BCAS3: variants seen among roughly 807,000 people sequenced by gnomAD.
BCAS3 encodes the protein BCAS3 microtubule associated cell migration factor.
In BCAS3, 53 loss-of-function variants were observed where a neutral mutation model predicts 116.1. That is an observed-to-expected ratio of 0.46 (90% CI 0.37 to 0.57). The LOEUF (loss-of-function observed/expected upper bound fraction) is 0.57. BCAS3 is among the 20% of genes least tolerant of loss of function. The pLI, the probability that BCAS3 is intolerant of heterozygous loss-of-function variation, is 0.00. For synonymous variants in BCAS3, 391 were observed against 408.2 expected, an observed-to-expected ratio of 0.96 and a Z score of 0.51; for missense variants, 917 against 1,165.4, an observed-to-expected ratio of 0.79 and a Z score of 3.10.
intron 19 of BCAS3, among the ~76,000 whole-genome samples, chr17:61,044,465 A>ATAT (rs1555683921): frequency 4.6e-4 from 55 of 120,108 alleles, no homozygotes; most frequent in Middle Eastern, 4.2e-3. Context: ...AAAAAAAAAA[A>ATAT]ATATATATAT....
At chr17:61,237,434 A>G (rs2083149378) in intron 22 of BCAS3, among the ~76,000 whole-genome samples, 1 of 152,236 alleles carries the variant, frequency 6.6e-6, no homozygotes, top group Non-Finnish European at 1.5e-5. Flanking sequence ...ATAAAGGAAT[A>G]AAAGCTGGCC....
At chr17:60,706,384 G>A (rs1413624855) in intron 4 of BCAS3, among the ~76,000 whole-genome samples, 2 of 151,972 alleles carry the variant, frequency 1.3e-5, no homozygotes, top group Non-Finnish European at 2.9e-5. Context: ...TTTTTTTGAT[G>A]ATCCACTTCC....
rs147380259 is a variant in BCAS3 at position 60,767,034 on chromosome 17, C to T, written c.403+19755C>T. 6.8e-4 allele frequency among the ~76,000 whole-genome samples: 103 copies of T among 152,320 alleles called. No homozygotes were observed. The East Asian group carries it at 0.017, about 26-fold the overall frequency. ...CACGGGATATAACCTCCTGGTGTGC[C>T]GTTTGCTAAGACTGTTGGAAAAGCG... On this transcript the variant is annotated intron_variant, in intron 6 of 23. Transcript: ENST00000407086.
chr17:61,329,343 A>ATTATTATTTTTTTTTTTT (rs1555831750), intron 22 of BCAS3, among the ~76,000 whole-genome samples: 1 of 131,280 alleles, frequency 7.6e-6, no homozygotes, highest in African/African-American at 2.9e-5. Context: ...TATTATTATT[A>ATTATTATTTTTTTTTTTT]TTTTTTTTTT....
At chr17:61,209,951 T>C (rs2081359692) in intron 22 of BCAS3, among the ~76,000 whole-genome samples, 2 of 152,150 alleles carry the variant, frequency 1.3e-5, no homozygotes, top group Admixed American at 1.3e-4. Context: ...CACCCACCCT[T>C]TTAGGTGGCT....
At chr17:60,742,160 C>G (rs763477179) in intron 5 of BCAS3, among the ~76,000 whole-genome samples, 4 of 152,158 alleles carry the variant, frequency 2.6e-5, no homozygotes, top group Non-Finnish European at 4.4e-5. Context: ...TTGGAATAAT[C>G]TTTTCTACAG....
chr17:61,157,976 A>G (rs1170859500), intron 22 of BCAS3, among the ~76,000 whole-genome samples: 1 of 152,100 alleles, frequency 6.6e-6, no homozygotes, highest in South Asian at 2.1e-4. Context: ...GACTGATTTG[A>G]TATCTCTTCT....
At chr17:60,708,196 A>G (rs920477236) in intron 4 of BCAS3, among the ~76,000 whole-genome samples, 4 of 151,916 alleles carry the variant, frequency 2.6e-5, no homozygotes, top group African/African-American at 9.7e-5. Flanking sequence ...ATTATGGCAT[A>G]TGCCCGTAGT....
Position 61,139,407 on chromosome 17 carries a change from ATG to A in BCAS3, c.2425+54847_2425+54848del, listed in dbSNP as rs1278716931. The stretch of plus-strand genomic sequence containing the variant: ...GTGGTTTTGGTGTTTCCTCTTACAC[ATG>A]TGTCTTCCTTCTTCAGTTTCTCAGT... On this transcript the variant is annotated intron_variant, in intron 22 of 23. Coordinates refer to ENST00000407086, the MANE Select transcript of BCAS3 (RefSeq NM_017679.5). This position sits in a 1 kb window ranked among gnomAD's most constrained non-coding sequence, Gnocchi z 4.7. Among the ~76,000 whole-genome samples the A allele has an allele frequency of 1.3e-5, 2 of 152,144 alleles. No individual in the cohort carries two copies. The highest frequency in any genetic ancestry group is 2.9e-5 in the Non-Finnish European group (2 of 68,030).
At chr17:60,899,564 C>A (rs1215702144) in intron 10 of BCAS3, among the ~76,000 whole-genome samples, 4 of 152,090 alleles carry the variant, frequency 2.6e-5, no homozygotes, top group African/African-American at 7.2e-5. Flanking sequence ...GTGGCGCAAT[C>A]TTGGCTCACT....
chr17:61,182,547 A>G (rs1275980164), intron 22 of BCAS3, among the ~76,000 whole-genome samples: 2 of 152,208 alleles, frequency 1.3e-5, no homozygotes, highest in South Asian at 2.1e-4. Context: ...CAATTCATCC[A>G]TGGTAAGTAT....
chr17:60,682,978 T>C (rs1380061649), intron 2 of BCAS3, among the ~76,000 whole-genome samples: 1 of 152,210 alleles, frequency 6.6e-6, no homozygotes. Flanking sequence ...GGTCTTGCTA[T>C]GTTGCCTAGT....
At chr17:60,878,165 A>G (rs1351835421) in intron 9 of BCAS3, among the ~76,000 whole-genome samples, 1 of 151,722 alleles carries the variant, frequency 6.6e-6, no homozygotes, top group Admixed American at 6.6e-5. Flanking sequence ...AGGCACCACC[A>G]CGCCCGGCTA....
rs769755335 is a variant in BCAS3 at position 61,261,531 on chromosome 17, A to T, written c.2426-106796A>T. Among the ~76,000 whole-genome samples, 2 of 152,238 alleles carry T rather than the reference A, an allele frequency of 1.3e-5. No homozygotes were observed. Among genetic ancestry groups the T allele is most frequent in the Non-Finnish European group, 2.9e-5 (2 of 68,008 alleles). ...AACCTCATTACTCTTCTGTTATTACATTCATTAGAAAAAAGAGCTGTTTAT... is the reference window on the plus strand; with the variant it reads ...AACCTCATTACTCTTCTGTTATTACTTTCATTAGAAAAAAGAGCTGTTTAT... On this transcript the variant is annotated intron_variant, in intron 22 of 23. Transcript: ENST00000407086. The surrounding 1 kb of genome is among the most constrained non-coding windows in gnomAD (Gnocchi z 4.4).
chr17:61,133,116 T>A (rs1039503689), intron 22 of BCAS3, among the ~76,000 whole-genome samples: 3 of 152,144 alleles, frequency 2.0e-5, no homozygotes, highest in Non-Finnish European at 4.4e-5. Context: ...TTCTGGGCTT[T>A]TTACCTCTGT....
intron 10 of BCAS3, among the ~76,000 whole-genome samples, chr17:60,890,472 G>A (rs1298942766): frequency 1.3e-5 from 2 of 151,526 alleles, no homozygotes; most frequent in African/African-American, 4.8e-5. Context: ...AAAAAAAAAA[G>A]AATAATTTAA....
intron 2 of BCAS3, among the ~76,000 whole-genome samples, chr17:60,683,525 T>TGCC (rs2033532960): frequency 7.5e-6 from 1 of 133,758 alleles, no homozygotes; most frequent in African/African-American, 2.8e-5. Context: ...TTTTTTTTTT[T>TGCC]TTTTTTTTTT....
intron 11 of BCAS3, 150 bp downstream of exon 11, chr17:60,902,853 G>T (rs921932273): frequency 3.2e-6 from 2 of 625,752 alleles, no homozygotes; most frequent in Admixed American, 3.0e-5. Context: ...CTTCAAGACT[G>T]TTACCTAATT....
chr17:60,928,654 ATTAC>A (rs1370151132), intron 13 of BCAS3, among the ~76,000 whole-genome samples: 2 of 152,182 alleles, frequency 1.3e-5, no homozygotes, highest in African/African-American at 4.8e-5. Flanking sequence ...ATATTGACTT[ATTAC>A]TTGATTATGA....
Sources: allele counts gnomAD v4.1 joint callset (sites outside exome capture counted in the v4.1 genomes callset), GRCh38; gene constraint gnomAD v4.1.1; non-coding constraint Gnocchi (gnomAD v3.1); transcripts MANE v1.5; gene names NCBI Gene and HGNC (gene_info 2026-07-23, HGNC 2026-07-21).